The following SH3BGRL variants were observed in gnomAD, a reference collection of about 807,000 sequenced individuals.
SH3BGRL encodes the protein SH3 domain binding glutamate rich protein like.
Under a neutral mutation model 9.8 loss-of-function variants are expected in SH3BGRL, and 7 were observed. That is an observed-to-expected ratio of 0.72 (90% CI 0.41 to 1.35). The LOEUF is 1.35. SH3BGRL is among the 40% of genes most tolerant of loss of function. The pLI is 0.01. For missense variants in SH3BGRL, 73 were observed against 84.4 expected, an observed-to-expected ratio of 0.86 and a Z score of 0.53; for synonymous variants, 36 against 29.1, an observed-to-expected ratio of 1.24 and a Z score of -0.76.
At chrX:81,287,282 A>G (rs1438434689) in intron 3 of SH3BGRL, among the ~76,000 whole-genome samples, 1 of 111,984 alleles carries the variant, frequency 8.9e-6, no homozygotes, top group Non-Finnish European at 1.9e-5. Flanking sequence ...CATAGATGAA[A>G]ATGAGACATT....
In SH3BGRL at chrX:81,221,985, G is replaced by A. The variant is rs754543118; in HGVS notation, c.45+19740G>A. Among the ~76,000 whole-genome samples the A allele has an allele frequency of 1.1e-4, 12 of 111,333 alleles. No individual in the cohort carries two copies. The East Asian group carries it at 3.1e-3, about 29-fold the overall frequency. On this transcript the variant is annotated intron_variant, in intron 1 of 3. Transcript: ENST00000373212. ...GAAATCATCTAGTCCATCCATGTAA[G>A]GACTGTTTGTGAATTGTCCCAGAAA...
intron 1 of SH3BGRL, among the ~76,000 whole-genome samples, chrX:81,222,163 T>C (rs1315417991): frequency 8.9e-6 from 1 of 112,398 alleles, no homozygotes; most frequent in Non-Finnish European, 1.9e-5. Flanking sequence ...GATTTCTTTC[T>C]TTTTTATTTA....
chrX:81,251,124 C>A (rs1210514338), intron 1 of SH3BGRL, among the ~76,000 whole-genome samples: 2 of 111,875 alleles, frequency 1.8e-5, no homozygotes, highest in African/African-American at 6.5e-5. Context: ...ATTGGGCAAT[C>A]TGAGACGTTT....
At position 81,223,627 on chromosome X, in the gene SH3BGRL, A is replaced by G. The variant is rs777281277; in HGVS notation, c.45+21382A>G. ...CTGTGGATCAGTACAGTGTAAGATC[A>G]TGTGATAAGGGGAATATTCCTATAT... On this transcript the variant is annotated intron_variant, in intron 1 of 3. Transcript: ENST00000373212. 6.9e-4 allele frequency among the ~76,000 whole-genome samples: 76 copies of G among 110,911 alleles called. 1 individual carries two copies. The highest frequency in any genetic ancestry group is 1.3e-3 in the Non-Finnish European group (67 of 52,926).
chrX:81,245,432 C>T (rs2075685325), intron 1 of SH3BGRL, among the ~76,000 whole-genome samples: 1 of 111,552 alleles, frequency 9.0e-6, no homozygotes, highest in Non-Finnish European at 1.9e-5. Flanking sequence ...TTCCAGATTT[C>T]TTCCTTTGCA....
intron 1 of SH3BGRL, among the ~76,000 whole-genome samples, chrX:81,208,223 C>T (rs1207540019): frequency 9.0e-6 from 1 of 110,872 alleles, no homozygotes; most frequent in Non-Finnish European, 1.9e-5. Context: ...GATCGTGCCA[C>T]TGCACTCCAA....
chrX:81,226,498 A>C (rs996995029), intron 1 of SH3BGRL, among the ~76,000 whole-genome samples: 36 of 104,292 alleles, frequency 3.5e-4, no homozygotes, highest in Non-Finnish European at 6.4e-4. Flanking sequence ...ATTTATATAT[A>C]TATATATATC....
intron 1 of SH3BGRL, among the ~76,000 whole-genome samples, chrX:81,227,854 T>C (rs1300368910): frequency 8.9e-6 from 1 of 111,960 alleles, no homozygotes; most frequent in Non-Finnish European, 1.9e-5. Flanking sequence ...TATGATAACA[T>C]ACTTCATTTC....
At chrX:81,212,128 T>A in intron 1 of SH3BGRL, among the ~76,000 whole-genome samples, 1 of 111,086 alleles carries the variant, frequency 9.0e-6, no homozygotes, top group Middle Eastern at 4.6e-3. Flanking sequence ...GCACAATGGC[T>A]CATGTCTGTA....
At chrX:81,269,922 A>C in intron 1 of SH3BGRL, among the ~76,000 whole-genome samples, 1 of 107,812 alleles carries the variant, frequency 9.3e-6, no homozygotes. Context: ...ATTTCTTTTT[A>C]CTCTTTTTTC....
intron 1 of SH3BGRL, chrX:81,255,654 G>A (rs1439168133): frequency 1.8e-5 from 2 of 112,247 alleles, no homozygotes; most frequent in Non-Finnish European, 3.8e-5. Context: ...GTGAGTGTTA[G>A]ATTGCGATTC....
At chrX:81,241,114 G>A (rs1051317836) in intron 1 of SH3BGRL, among the ~76,000 whole-genome samples, 1 of 112,669 alleles carries the variant, frequency 8.9e-6, no homozygotes, top group East Asian at 2.8e-4. Context: ...GCAAAGTTGT[G>A]GCCTTGTCTG....
chrX:81,210,082 T>G (rs1427847756), intron 1 of SH3BGRL, among the ~76,000 whole-genome samples: 1 of 111,434 alleles, frequency 9.0e-6, no homozygotes, highest in Non-Finnish European at 1.9e-5. Flanking sequence ...GCTTAGTCCT[T>G]TTTGGAAATG....
intron 1 of SH3BGRL, chrX:81,202,495 G>A (rs1274730167): frequency 1.0e-6 from 1 of 977,249 alleles, no homozygotes; most frequent in Non-Finnish European, 1.3e-6. Flanking sequence ...GAAGGAAAAC[G>A]AAAGCTACCA....
rs374704494 is a variant in SH3BGRL at position 81,282,878 on chromosome X, A to G, written c.312+4467A>G. On this transcript the variant is annotated intron_variant, in intron 3 of 3. Transcript: ENST00000373212. ...AAAAATACAAAAGATAAAATGAAAC[A>G]AAAAGCTGGTTCTTTGAAAAGATTA... Among the ~76,000 whole-genome samples, 32 of 112,380 alleles carry G rather than the reference A, an allele frequency of 2.8e-4. No homozygotes were observed. The South Asian group carries it at 0.011, about 40-fold the overall frequency.
At chrX:81,275,924 G>T (rs1412355161) in intron 1 of SH3BGRL, among the ~76,000 whole-genome samples, 12 of 111,841 alleles carry the variant, frequency 1.1e-4, no homozygotes. Context: ...AGATGGAGGG[G>T]TGTAAATCCA....
chrX:81,259,735 A>G (rs1198128014), intron 1 of SH3BGRL, among the ~76,000 whole-genome samples: 1 of 111,800 alleles, frequency 8.9e-6, no homozygotes, highest in Non-Finnish European at 1.9e-5. Context: ...TTGTTCCTCT[A>G]TTTCCCTTTT....
intron 1 of SH3BGRL, among the ~76,000 whole-genome samples, chrX:81,239,514 C>T (rs1263721076): frequency 9.0e-6 from 1 of 111,108 alleles, no homozygotes; most frequent in African/African-American, 3.3e-5. Flanking sequence ...ATGTAGCACG[C>T]ATACAGAATC....
chrX:81,225,607 T>C (rs920527534), intron 1 of SH3BGRL, among the ~76,000 whole-genome samples: 2 of 111,732 alleles, frequency 1.8e-5, no homozygotes, highest in Non-Finnish European at 3.8e-5. Context: ...TGTGGCTAAG[T>C]AGTATTCCAT....
Sources: allele counts gnomAD v4.1 joint callset (sites outside exome capture counted in the v4.1 genomes callset), GRCh38; gene constraint gnomAD v4.1.1; transcripts MANE v1.5; gene names NCBI Gene and HGNC (gene_info 2026-07-23, HGNC 2026-07-21).